ARHGEF10: variants seen among roughly 807,000 people sequenced by gnomAD.
The protein encoded by ARHGEF10 is Rho guanine nucleotide exchange factor (GEF) 10.
ARHGEF10 carries 140 observed loss-of-function variants against 147.4 expected under a neutral mutation model. That is an observed-to-expected ratio of 0.95 (90% CI 0.83 to 1.09). The LOEUF is 1.09. Among genes scored for constraint, ARHGEF10 ranks in the 50% least tolerant of loss-of-function variants. The probability of loss-of-function intolerance (pLI) is 0.00; values close to 1 mark genes in which losing one functional copy is unlikely to be tolerated. For synonymous variants in ARHGEF10, 902 were observed against 695.8 expected (o/e 1.30, Z -4.67); for missense variants, 2,222 against 1,752.7 (o/e 1.27, Z -4.78).
chr8:1,926,764 T>C, intron 23 of ARHGEF10: 1 of 419,180 alleles, frequency 2.4e-6, no homozygotes, highest in Non-Finnish European at 4.4e-6. Context: ...TTTTCCATTT[T>C]GGTGTCAACA....
At chr8:1,838,810 G>A (rs970379634) in intron 1 of ARHGEF10, among the ~76,000 whole-genome samples, 27 of 152,194 alleles carry the variant, frequency 1.8e-4, no homozygotes, top group Admixed American at 1.4e-3. Flanking sequence ...GCTGTCTGGC[G>A]TGGATGCCGT....
chr8:1,882,364 A>T (rs1227785206), intron 9 of ARHGEF10, among the ~76,000 whole-genome samples: 3 of 152,182 alleles, frequency 2.0e-5, no homozygotes, highest in African/African-American at 7.2e-5. Context: ...TGTGACCCCC[A>T]CGTAGCTCTT....
At position 1,957,280 on chromosome 8, in the gene ARHGEF10, C is replaced by T. The variant is rs1815663188; in HGVS notation, c.*17C>T. 1 of 1,602,210 alleles carries T rather than the reference C, an allele frequency of 6.2e-7. No individual in the cohort carries two copies. The highest frequency in any genetic ancestry group is 8.5e-7 in the Non-Finnish European group (1 of 1,176,896). On this transcript the variant is annotated 3_prime_UTR_variant, in exon 29 of 29. Coordinates refer to ENST00000349830, the MANE Select transcript of ARHGEF10 (RefSeq NM_014629.4). The stretch of plus-strand genomic sequence containing the variant: ...AATATATAAGCAGGACGGCCGCCTT[C>T]TGCTGTCAGAATTTGCAATCAAGGG...
rs1161078111 is a variant in ARHGEF10, at chr8:1,903,723, GT to G, written c.1821+274del. ...AAATGGATCCAGGACCTCCCAAGGG[GT>G]TAAGAGCAACTCCTTTAGCTTACTT... On this transcript the variant is annotated intron_variant, in intron 16 of 28. Transcript: ENST00000349830. 6 of 531,624 alleles carry G rather than the reference GT, an allele frequency of 1.1e-5. No homozygotes were observed. The East Asian group carries it at 2.0e-4, about 18-fold the overall frequency. The allele number at this position is 531,624 out of a possible 1,614,324, so 32.9% of individuals were successfully genotyped here.
At position 1,859,885 on chromosome 8, in the gene ARHGEF10, C is replaced by G. The variant is rs188312311; in HGVS notation, c.194-12C>G. ...TGATGTGTCTGCTGACAAGTCCTTT[C>G]TGCATCCCCAGGAGGTGAGGATGGA... On this transcript the variant is annotated splice_polypyrimidine_tract_variant and intron_variant, in intron 3 of 28. Transcript: ENST00000349830. The G allele has an allele frequency of 2.5e-6, 4 of 1,613,960 alleles. No homozygotes were observed. Among genetic ancestry groups the G allele is most frequent in the South Asian group, 1.1e-5 (1 of 91,090 alleles).
At chr8:1,837,142 C>T (rs548670810) in intron 1 of ARHGEF10, among the ~76,000 whole-genome samples, 11 of 152,362 alleles carry the variant, frequency 7.2e-5, no homozygotes, top group African/African-American at 2.2e-4. Flanking sequence ...TTGGAGTTTA[C>T]AGTCTGCCTG....
intron 26 of ARHGEF10, among the ~76,000 whole-genome samples, chr8:1,945,126 G>A (rs966105616): frequency 2.0e-5 from 3 of 152,218 alleles, no homozygotes; most frequent in Non-Finnish European, 2.9e-5. Flanking sequence ...TGGAGACATC[G>A]AGGAAGGTTC....
chr8:1,929,355 G>A lies in ARHGEF10; in HGVS notation c.2991G>A (p.Lys997=). The change falls in exon 25 of 29, where the codon AAG becomes AAA. Residue 997 remains lysine (K), a synonymous_variant. Coordinates refer to ENST00000349830, the MANE Select transcript of ARHGEF10 (RefSeq NM_014629.4). ...TTCAGCACTTTTTCACTCCTGAGAA[G>A]TCCACAGTCATGAGCCTGGCTTGCA... is the stretch of plus-strand genomic sequence containing the variant. ...VRLQHFFTPE[K]STVMSLACTS... The A allele has an allele frequency of 6.2e-7, 1 of 1,613,984 alleles. No individual in the cohort carries two copies. The highest frequency in any genetic ancestry group is 2.2e-5 in the East Asian group (1 of 44,880).
At chr8:1,928,782 G>A (rs1812885927) in intron 24 of ARHGEF10, 132 bp downstream of exon 24, 4 of 1,018,370 alleles carry the variant, frequency 3.9e-6, no homozygotes, top group Admixed American at 4.0e-5. Flanking sequence ...GGGATACCAG[G>A]GGAAATTTTT....
intron 27 of ARHGEF10, among the ~76,000 whole-genome samples, chr8:1,952,448 G>A (rs1011644629): frequency 1.3e-5 from 2 of 152,196 alleles, no homozygotes; most frequent in Non-Finnish European, 2.9e-5. Flanking sequence ...CCATGCAGAC[G>A]ACAGCCCAGG....
intron 11 of ARHGEF10, among the ~76,000 whole-genome samples, chr8:1,889,452 G>GT (rs796541482): frequency 1.4e-5 from 1 of 71,906 alleles, no homozygotes; most frequent in Non-Finnish European, 2.6e-5. Context: ...GACACTGAGT[G>GT]GGGTGAGGGG....
At chr8:1,841,879 CTGGGG>C (rs1804078879) in intron 1 of ARHGEF10, among the ~76,000 whole-genome samples, 2 of 109,772 alleles carry the variant, frequency 1.8e-5, no homozygotes, top group Non-Finnish European at 3.7e-5. Context: ...GCGGCGGGAA[CTGGGG>C]CCGCGGCGGG....
Position 1,880,027 on chromosome 8 carries a change from CTG to C in ARHGEF10, c.844-17_844-16del. 2.0e-6 allele frequency: 3 copies of C among 1,529,252 alleles called. No homozygotes were observed. The highest frequency in any genetic ancestry group is 1.7e-4 in the Middle Eastern group (1 of 5,916). 94.7% of individuals were successfully genotyped at this position (1,529,252 alleles called of 1,614,324 possible). A position where few individuals can be genotyped will look rare whatever the true frequency, so the allele number is the denominator to read the frequency against. On this transcript the variant is annotated intron_variant, in intron 8 of 28. Transcript: ENST00000349830. The stretch of plus-strand genomic sequence containing the variant: ...CAAAAAGAGCCTTTTTGTGAAAAGA[CTG>C]TGTCTCTTTATGCTGTAGCTTTCTC...
At chr8:1,901,761 T>C (rs1344847730) in intron 15 of ARHGEF10, among the ~76,000 whole-genome samples, 3 of 152,274 alleles carry the variant, frequency 2.0e-5, no homozygotes, top group Non-Finnish European at 4.4e-5. Context: ...GCAGAACTAG[T>C]GTTAAGATTG....
intron 1 of ARHGEF10, among the ~76,000 whole-genome samples, chr8:1,839,422 G>GTA (rs1803813762): frequency 2.2e-5 from 3 of 138,034 alleles, no homozygotes; most frequent in African/African-American, 5.6e-5. Context: ...TGCTGTGGAA[G>GTA]CTGTCTGGTG....
chr8:1,863,832 G>A (rs1157942247), intron 4 of ARHGEF10, among the ~76,000 whole-genome samples: 1 of 151,910 alleles, frequency 6.6e-6, no homozygotes, highest in African/African-American at 2.4e-5. Flanking sequence ...CAGGCGGGTC[G>A]GACTGCGCGT....
chr8:1,842,495 C>T lies in ARHGEF10; in HGVS notation c.-47-858C>T, dbSNP rs1273586491. ...CCCTGGGCATGGGCCCGCCTGGCCT[C>T]GGAGGAGCTGGCCTGTGGGTGACAC... is the stretch of plus-strand genomic sequence containing the variant. On this transcript the variant is annotated intron_variant, in intron 1 of 28. Coordinates refer to ENST00000349830, the MANE Select transcript of ARHGEF10 (RefSeq NM_014629.4). Among the ~76,000 whole-genome samples, 5 of 152,306 alleles carry T rather than the reference C, an allele frequency of 3.3e-5. No homozygotes were observed. The East Asian group carries it at 5.8e-4, about 18-fold the overall frequency.
intron 21 of ARHGEF10, among the ~76,000 whole-genome samples, chr8:1,924,188 G>T (rs1476114157): frequency 6.7e-6 from 1 of 150,156 alleles, no homozygotes; most frequent in African/African-American, 2.4e-5. Context: ...GGTGCTCAAG[G>T]CGGGCGGCGG....
At chr8:1,913,275 C>T (rs1006608306) in intron 18 of ARHGEF10, among the ~76,000 whole-genome samples, 1 of 150,328 alleles carries the variant, frequency 6.7e-6, no homozygotes, top group Non-Finnish European at 1.5e-5. Context: ...TGTTACCGCC[C>T]ATCCTTCCCA....
Sources: gnomAD v4.1 joint callset for allele counts (sites outside exome capture counted in the v4.1 genomes callset) on GRCh38, gnomAD v4.1.1 for gene constraint, MANE v1.5 for transcripts, NCBI Gene and HGNC (gene_info 2026-07-23, HGNC 2026-07-21) for gene names.